Variants in HABP2 observed in about 807,000 individuals in gnomAD.
HABP2 encodes the protein hyaluronan binding protein 2, also known as factor VII-activating protease.
In HABP2, 65 loss-of-function variants were observed where a neutral mutation model predicts 66.5. That is an observed-to-expected ratio of 0.98 (90% CI 0.80 to 1.20). HABP2 has a LOEUF of 1.20. Among genes scored for constraint, HABP2 ranks in the 50% most tolerant of loss-of-function variants. The pLI, the probability that HABP2 is intolerant of heterozygous loss-of-function variation, is 0.00. For missense variants in HABP2, 786 were observed against 691.0 expected, an observed-to-expected ratio of 1.14 and a Z score of -1.54; for synonymous variants, 263 against 253.9, an observed-to-expected ratio of 1.04 and a Z score of -0.34.
At chr10:113,581,770 G>A (rs761021932) in intron 8 of HABP2, 106 bp from the exon 9 acceptor site, 160 of 1,123,436 alleles carry the variant, frequency 1.4e-4, no homozygotes, top group Admixed American at 2.9e-4. Context: ...TCTCAGCTCT[G>A]GACCCCTGCT....
chr10:113,573,748 T>C (rs1368218030), intron 2 of HABP2, among the ~76,000 whole-genome samples: 1 of 152,244 alleles, frequency 6.6e-6, no homozygotes, highest in Non-Finnish European at 1.5e-5. Context: ...AAAATGACTC[T>C]GTAGATAATG....
At chr10:113,571,697 A>G (rs528207647) in intron 2 of HABP2, among the ~76,000 whole-genome samples, 1 of 152,302 alleles carries the variant, frequency 6.6e-6, no homozygotes, top group South Asian at 2.1e-4. Context: ...CGCCAGGCCT[A>G]GACTTGGTCA....
At chr10:113,572,961 T>C (rs192002687) in intron 2 of HABP2, among the ~76,000 whole-genome samples, 1 of 152,316 alleles carries the variant, frequency 6.6e-6, no homozygotes, top group East Asian at 1.9e-4. Context: ...AGATAAAGAC[T>C]CTAACAGAAT....
intron 4 of HABP2, 73 bp downstream of exon 4, chr10:113,576,077 A>G: frequency 3.6e-6 from 3 of 837,058 alleles, no homozygotes; most frequent in Non-Finnish European, 6.2e-6. Context: ...GTGAGAAAGC[A>G]CTGCGCAATG....
intron 9 of HABP2, among the ~76,000 whole-genome samples, chr10:113,582,678 T>C (rs1845562699): frequency 6.6e-6 from 1 of 152,238 alleles, no homozygotes; most frequent in South Asian, 2.1e-4. Flanking sequence ...ATGACCCTTC[T>C]GAGTCAGGTG....
intron 1 of HABP2, among the ~76,000 whole-genome samples, chr10:113,566,266 C>G (rs1000760187): frequency 1.3e-5 from 2 of 152,234 alleles, no homozygotes; most frequent in Non-Finnish European, 2.9e-5. Context: ...GTTATACTTT[C>G]TCTCTACAAA....
At chr10:113,559,827 A>G (rs3781382) in intron 1 of HABP2, among the ~76,000 whole-genome samples, 23,585 of 152,240 alleles carry the variant, frequency 0.15, 2,707 homozygotes, top group East Asian at 0.46. Context: ...TTAGCTGGGT[A>G]GGGTCTGAGT....
intron 9 of HABP2, 121 bp downstream of exon 9, chr10:113,582,252 CA>C: frequency 1.1e-6 from 1 of 926,186 alleles, no homozygotes; most frequent in South Asian, 2.1e-5. Flanking sequence ...TGTTCAAGGG[CA>C]AAAGAAGGGC....
intron 12 of HABP2, 69 bp from the exon 13 acceptor site, chr10:113,588,136 G>A (rs954278417): frequency 3.7e-6 from 5 of 1,341,620 alleles, no homozygotes; most frequent in African/African-American, 1.5e-5. Context: ...ACACCCCCTG[G>A]AGAGAGGTGG....
chr10:113,588,565 C>A lies in HABP2; in HGVS notation c.*196C>A, dbSNP rs1260985224. On this transcript the variant is annotated 3_prime_UTR_variant, in exon 13 of 13. Transcript: ENST00000351270. ...GCACAATATCACCAGGCTTCTTCTG[C>A]CTCCCTTGGTAACCCAAGGAATGAT... is the stretch of plus-strand genomic sequence containing the variant. 4 of 545,154 alleles carry A rather than the reference C, an allele frequency of 7.3e-6. No individual in the cohort carries two copies. In the South Asian group the frequency reaches 1.2e-4, roughly 16 times the overall value. The allele number at this position is 545,154 out of a possible 1,614,324, so 33.8% of individuals were successfully genotyped here. A position where few individuals can be genotyped will look rare whatever the true frequency, so the allele number is the denominator to read the frequency against.
At chr10:113,557,792 A>G (rs1191557585) in intron 1 of HABP2, among the ~76,000 whole-genome samples, 2 of 152,254 alleles carry the variant, frequency 1.3e-5, no homozygotes, top group African/African-American at 4.8e-5. Context: ...CCACGTATGA[A>G]GTCTTTACAT....
At chr10:113,586,090 C>A in intron 12 of HABP2, 152 bp downstream of exon 12, 1 of 664,110 alleles carries the variant, frequency 1.5e-6, no homozygotes, top group Non-Finnish European at 2.6e-6. Context: ...CCCCCTGGCC[C>A]TCTGGTGCAT....
intron 10 of HABP2, among the ~76,000 whole-genome samples, 178 bp from the exon 11 acceptor site, chr10:113,583,970 A>G (rs1845588755): frequency 1.3e-5 from 2 of 152,198 alleles, no homozygotes; most frequent in African/African-American, 4.8e-5. Flanking sequence ...CTCGCCCTGA[A>G]GTGTTACTCC....
chr10:113,571,626 G>A (rs1178225402), intron 2 of HABP2, among the ~76,000 whole-genome samples: 2 of 152,070 alleles, frequency 1.3e-5, no homozygotes, highest in East Asian at 3.9e-4. Context: ...GAGAATCAAG[G>A]GCTATTTTTG....
chr10:113,577,139 A>C lies in HABP2; in HGVS notation c.332-11A>C. ...CCCCAAATAATGTCTTATGTTATGG[A>C]TCTCCTACAGTGCAAAATACGTGCA... On this transcript the variant is annotated splice_polypyrimidine_tract_variant and intron_variant, in intron 4 of 12. Coordinates refer to ENST00000351270, the MANE Select transcript of HABP2 (RefSeq NM_004132.5). The C allele has an allele frequency of 6.9e-7, 1 of 1,455,992 alleles. No homozygotes were observed. Among genetic ancestry groups the C allele is most frequent in the Non-Finnish European group, 9.7e-7 (1 of 1,035,952 alleles). The allele number at this position is 1,455,992 out of a possible 1,614,324, so 90.2% of individuals were successfully genotyped here.
At chr10:113,583,098 TGTGA>T (rs1351745038) in intron 9 of HABP2, 114 bp from the exon 10 acceptor site, 5 of 788,158 alleles carry the variant, frequency 6.3e-6, no homozygotes, top group Non-Finnish European at 1.0e-5. Context: ...AGCAGAGTTC[TGTGA>T]GTGAGACGAG....
At chr10:113,557,836 T>C (rs1207971232) in intron 1 of HABP2, among the ~76,000 whole-genome samples, 1 of 152,248 alleles carries the variant, frequency 6.6e-6, no homozygotes, top group Non-Finnish European at 1.5e-5. Context: ...GTTTATTATC[T>C]CATTTAAGCT....
At chr10:113,581,094 C>T (rs1284460984) in intron 8 of HABP2, among the ~76,000 whole-genome samples, 1 of 152,230 alleles carries the variant, frequency 6.6e-6, no homozygotes, top group Non-Finnish European at 1.5e-5. Context: ...GGCCATCTGT[C>T]CTGGCCCCGC....
chr10:113,589,526 G>A lies in HABP2; in HGVS notation c.*1157G>A, dbSNP rs888999351. On this transcript the variant is annotated 3_prime_UTR_variant, in exon 13 of 13. Transcript: ENST00000351270. ...TGGTCATCTCAGACCCATGAAATTA[G>A]GCGCCTTGTTTGAGCTGCGTTTCAC... 21 of 970,926 alleles carry A rather than the reference G, an allele frequency of 2.2e-5. No individual in the cohort carries two copies. The African/African-American group carries it at 2.9e-4, about 14-fold the overall frequency. 60.1% of individuals were successfully genotyped at this position (970,926 alleles called of 1,614,324 possible).
Sources: gnomAD v4.1 joint callset for allele counts (sites outside exome capture counted in the v4.1 genomes callset) on GRCh38, gnomAD v4.1.1 for gene constraint, MANE v1.5 for transcripts, NCBI Gene and HGNC (gene_info 2026-07-23, HGNC 2026-07-21) for gene names.